FRMPD2: variants seen among roughly 807,000 people sequenced by gnomAD.
FRMPD2 encodes FERM and PDZ domain-containing protein 2.
FRMPD2 carries 96 observed loss-of-function variants against 140.1 expected under a neutral mutation model. That is an observed-to-expected ratio of 0.69 (90% CI 0.58 to 0.81). The LOEUF is 0.81. FRMPD2 is among the 40% of genes least tolerant of loss of function. The probability of loss-of-function intolerance (pLI) is 0.00; values close to 1 mark genes in which losing one functional copy is unlikely to be tolerated. For synonymous variants in FRMPD2, 449 were observed against 547.6 expected, an observed-to-expected ratio of 0.82 and a Z score of 2.52; for missense variants, 1,240 against 1,447.4, an observed-to-expected ratio of 0.86 and a Z score of 2.32.
Position 48,263,860 on chromosome 10 carries a change from A to T in FRMPD2, c.25+10683T>A, listed in dbSNP as rs144393745. The stretch of plus-strand genomic sequence containing the variant: ...ATCTTGCAAGAAAGTAAAACTACAG[A>T]TCAATAGTTTTCATGAACAAGGATG... On this transcript the variant is annotated intron_variant, in intron 1 of 28. Transcript: ENST00000374201. Among the ~76,000 whole-genome samples, 100 of 152,246 alleles carry T rather than the reference A, an allele frequency of 6.6e-4. 1 individual carries two copies. In the East Asian group the frequency reaches 0.017, roughly 26 times the overall value.
At chr10:48,168,527 C>T in intron 27 of FRMPD2, 68 bp downstream of exon 27, 1 of 592,314 alleles carries the variant, frequency 1.7e-6, no homozygotes, top group South Asian at 1.6e-5. Flanking sequence ...CCTCTTAGGA[C>T]CCTAGAGTCT....
chr10:48,274,359 C>A (rs1840818734), intron 1 of FRMPD2, among the ~76,000 whole-genome samples, 184 bp downstream of exon 1: 1 of 152,184 alleles, frequency 6.6e-6, no homozygotes. Context: ...AAAACAAATA[C>A]AATGTCTATC....
intron 11 of FRMPD2, among the ~76,000 whole-genome samples, chr10:48,222,679 A>G (rs1199229358): frequency 6.6e-6 from 1 of 152,188 alleles, no homozygotes; most frequent in African/African-American, 2.4e-5. Context: ...ATACAAACTT[A>G]CAGAGGTGTT....
At chr10:48,271,635 A>AG in intron 1 of FRMPD2, among the ~76,000 whole-genome samples, 1 of 152,230 alleles carries the variant, frequency 6.6e-6, no homozygotes, top group Non-Finnish European at 1.5e-5. Context: ...AGCCAAGGCA[A>AG]GAAAAAAAAA....
rs368115302 is a variant in FRMPD2 at position 48,240,479 on chromosome 10, A to G, written c.581T>C (p.Val194Ala). 21 of 1,613,508 alleles carry G rather than the reference A, an allele frequency of 1.3e-5. No individual in the cohort carries two copies. The East Asian group carries it at 2.2e-4, about 17-fold the overall frequency. Residue 194 changes from valine (V) to alanine (A), a missense_variant, in exon 6 of 29, where the codon GTT becomes GCT. Coordinates refer to ENST00000374201, the MANE Select transcript of FRMPD2 (RefSeq NM_001018071.4). ...CTGCACAGAGGAGCTTTCCTCCACA[A>G]CTCTTTTCTCCACCTGGGGGTCAAG... is the stretch of plus-strand genomic sequence containing the variant. ...LGTISEVEKRVVEESSSVQQN... is the reference protein window; with the variant it reads ...LGTISEVEKRAVEESSSVQQN...
rs1264882380 is a variant in FRMPD2, at chr10:48,184,761, T to A, written c.2467+13A>T. The stretch of plus-strand genomic sequence containing the variant: ...TCTTAAAACAGCATCTCTAGTAATT[T>A]AAAAAGATGTACCTGGTTTGATCGT... On this transcript the variant is annotated intron_variant, in intron 19 of 28. Transcript: ENST00000374201. 5 of 1,604,366 alleles carry A rather than the reference T, an allele frequency of 3.1e-6. No individual in the cohort carries two copies. The highest frequency in any genetic ancestry group is 4.3e-6 in the Non-Finnish European group (5 of 1,172,950).
Position 48,240,413 on chromosome 10 carries a change from G to T in FRMPD2, c.647C>A (p.Thr216Lys), listed in dbSNP as rs753960656. The change falls in exon 6 of 29, where the codon ACA becomes AAA. Residue 216 changes from threonine (T) to lysine (K), a missense_variant. By Grantham distance (78) the Thr-to-Lys change is moderately conservative. Coordinates refer to ENST00000374201, the MANE Select transcript of FRMPD2 (RefSeq NM_001018071.4). ...CTGTGCCGCTGGGCTCTCGCTGCTT[G>T]TCCCACGCAGCCTCTTCCTGAGCAG... ...SYLLRKRLRG[T>K]SSESPAAQAP... is the part of the protein sequence containing the mutation. 6.2e-7 allele frequency: 1 copy of T among 1,613,474 alleles called. No individual in the cohort carries two copies. The highest frequency in any genetic ancestry group is 1.7e-5 in the Admixed American group (1 of 60,034).
intron 1 of FRMPD2, among the ~76,000 whole-genome samples, chr10:48,253,568 G>T (rs1840432733): frequency 6.6e-6 from 1 of 152,272 alleles, no homozygotes; most frequent in African/African-American, 2.4e-5. Flanking sequence ...TTGGAGGGGA[G>T]ACTGTCAAAC....
chr10:48,180,483 C>T (rs1838517704), intron 21 of FRMPD2, among the ~76,000 whole-genome samples: 1 of 152,134 alleles, frequency 6.6e-6, no homozygotes, highest in Non-Finnish European at 1.5e-5. Flanking sequence ...TTGCCATTGG[C>T]AGCAATCAAT....
chr10:48,269,210 A>C (rs1840727741), intron 1 of FRMPD2, among the ~76,000 whole-genome samples: 1 of 152,212 alleles, frequency 6.6e-6, no homozygotes, highest in Non-Finnish European at 1.5e-5. Flanking sequence ...TAAATATTTG[A>C]TGTTAGCAAG....
chr10:48,185,483 A>G, intron 18 of FRMPD2, 70 bp downstream of exon 18: 1 of 1,068,296 alleles, frequency 9.4e-7, no homozygotes, highest in Non-Finnish European at 1.5e-6. Flanking sequence ...GTTGAAAGGG[A>G]AAACAGTACC....
chr10:48,201,986 C>T (rs1839096716), intron 14 of FRMPD2, among the ~76,000 whole-genome samples: 1 of 150,980 alleles, frequency 6.6e-6, no homozygotes, highest in Admixed American at 6.6e-5. Flanking sequence ...GAGGTCACAC[C>T]ACAAAGAAAC....
At chr10:48,157,681 T>A (rs1242565688) in intron 28 of FRMPD2, among the ~76,000 whole-genome samples, 1 of 128,574 alleles carries the variant, frequency 7.8e-6, no homozygotes, top group Non-Finnish European at 1.6e-5. Context: ...TTCATGTAAA[T>A]ATATGCACAC....
At chr10:48,224,764 G>C (rs1006982367) in intron 10 of FRMPD2, among the ~76,000 whole-genome samples, 7 of 152,208 alleles carry the variant, frequency 4.6e-5, no homozygotes, top group Admixed American at 3.9e-4. Flanking sequence ...ACCTGATTGG[G>C]AGAAGGCAGG....
At chr10:48,222,631 C>T (rs746375869) in intron 11 of FRMPD2, among the ~76,000 whole-genome samples, 180 bp from the exon 12 acceptor site, 29 of 152,218 alleles carry the variant, frequency 1.9e-4, no homozygotes, top group Admixed American at 7.8e-4. Context: ...ACCATGCCTC[C>T]TGCCCCTCGT....
intron 1 of FRMPD2, among the ~76,000 whole-genome samples, chr10:48,269,123 T>C (rs77642778): frequency 0.011 from 1,679 of 152,224 alleles, 36 homozygotes; most frequent in African/African-American, 0.039. Context: ...AATAAATATT[T>C]GAAAAGATTT....
chr10:48,234,806 G>A (rs994236859), intron 9 of FRMPD2, among the ~76,000 whole-genome samples: 2 of 152,108 alleles, frequency 1.3e-5, no homozygotes, highest in Admixed American at 6.5e-5. Flanking sequence ...CAAGATGCTC[G>A]CCCCAGACAG....
intron 16 of FRMPD2, among the ~76,000 whole-genome samples, chr10:48,191,877 G>T (rs968725795): frequency 2.6e-5 from 4 of 152,156 alleles, no homozygotes; most frequent in Non-Finnish European, 5.9e-5. Flanking sequence ...CTCATCAATA[G>T]GAAAGGTAGC....
chr10:48,245,351 A>T (rs1840220978), intron 3 of FRMPD2, among the ~76,000 whole-genome samples: 1 of 152,228 alleles, frequency 6.6e-6, no homozygotes, highest in South Asian at 2.1e-4. Context: ...ACTAACAACC[A>T]TATCTTTGGC....
Sources: allele counts gnomAD v4.1 joint callset (sites outside exome capture counted in the v4.1 genomes callset), GRCh38; gene constraint gnomAD v4.1.1; transcripts MANE v1.5; gene names NCBI Gene and HGNC (gene_info 2026-07-23, HGNC 2026-07-21).